The following MBNL2 variants were observed in gnomAD, a reference collection of about 807,000 sequenced individuals.
The protein encoded by MBNL2 is muscleblind-like protein 2.
MBNL2 carries 17 observed loss-of-function variants against 41.9 expected under a neutral mutation model. That is an observed-to-expected ratio of 0.41 (90% CI 0.28 to 0.61). The LOEUF (loss-of-function observed/expected upper bound fraction) is 0.61. MBNL2 is among the 20% of genes least tolerant of loss of function. MBNL2 has a pLI of 0.35. For missense variants in MBNL2, 336 were observed against 505.6 expected (o/e 0.66, Z 3.22); for synonymous variants, 195 against 182.9 (o/e 1.07, Z -0.53).
intron 2 of MBNL2, among the ~76,000 whole-genome samples, chr13:97,290,287 C>G (rs2055559558): frequency 6.6e-6 from 1 of 152,020 alleles, no homozygotes; most frequent in African/African-American, 2.4e-5. Context: ...GCAGTGGGCA[C>G]ACCGCTGGAA....
chr13:97,221,722 C>A (rs3809361), upstream of MBNL2, among the ~76,000 whole-genome samples: 126 of 152,178 alleles, frequency 8.3e-4, 2 homozygotes, highest in East Asian at 0.021. Flanking sequence ...AAAACTTAGA[C>A]GAAAGATAAA....
intron 2 of MBNL2, among the ~76,000 whole-genome samples, chr13:97,329,735 C>T (rs149906629): frequency 5.1e-3 from 1 of 198 alleles, no homozygotes; most frequent in Non-Finnish European, 9.8e-3. Flanking sequence ...CAACATACAA[C>T]ACATACACCA....
At chr13:97,378,318 G>T (rs1594290399) in intron 8 of MBNL2, among the ~76,000 whole-genome samples, 1 of 152,090 alleles carries the variant, frequency 6.6e-6, no homozygotes, top group South Asian at 2.1e-4. Context: ...CCAGAGATGA[G>T]TAATACTAAG....
chr13:97,173,462 C>T, the MBNL2 span, among the ~76,000 whole-genome samples: 1 of 152,330 alleles, frequency 6.6e-6, no homozygotes, highest in South Asian at 2.1e-4. Context: ...GAGGTCCAGC[C>T]TAGTGTCTTG....
chr13:97,237,517 A>G (rs1301369075), intron 1 of MBNL2, among the ~76,000 whole-genome samples: 2 of 152,232 alleles, frequency 1.3e-5, no homozygotes, highest in African/African-American at 4.8e-5. Flanking sequence ...TGAAGGTATT[A>G]TGCCACAAGG....
upstream of MBNL2, among the ~76,000 whole-genome samples, chr13:97,217,192 T>A (rs996459585): frequency 6.6e-6 from 1 of 151,450 alleles, no homozygotes; most frequent in African/African-American, 2.4e-5. Context: ...ATGGCTTCTC[T>A]ACCAATTTTT....
intron 1 of MBNL2, among the ~76,000 whole-genome samples, chr13:97,237,372 G>C (rs2152802188): frequency 6.6e-6 from 1 of 152,328 alleles, no homozygotes; most frequent in South Asian, 2.1e-4. Context: ...CTATAGAAAA[G>C]TTTGCAGGAA....
In MBNL2 at chr13:97,357,485, T is replaced by C. The variant is rs765958975; in HGVS notation, c.862T>C (p.Phe288Leu). The C allele has an allele frequency of 8.7e-6, 14 of 1,613,724 alleles. No individual in the cohort carries two copies. The highest frequency in any genetic ancestry group is 1.7e-5 in the Admixed American group (1 of 59,994). Residue 288 changes from phenylalanine to leucine, a missense_variant, in exon 7 of 9, where the codon TTT becomes CTT. Transcript: ENST00000679496. ...TTATCGAATTCTTCATTTCTAGGCC[T>C]TTCCCCCTGGTGCTCTTCATCCTTT... Reference protein sequence around the residue: ...RPLEATVDLAFPPGALHPLPK... With the variant: ...RPLEATVDLALPPGALHPLPK...
intron 2 of MBNL2, among the ~76,000 whole-genome samples, chr13:97,308,636 G>A (rs934117675): frequency 2.6e-5 from 4 of 152,074 alleles, no homozygotes; most frequent in African/African-American, 9.7e-5. Flanking sequence ...ATCATGTGTG[G>A]CCTGCCCACT....
chr13:97,378,055 A>T (rs2065116745), intron 8 of MBNL2, among the ~76,000 whole-genome samples: 2 of 146,918 alleles, frequency 1.4e-5, no homozygotes, highest in South Asian at 4.3e-4. Context: ...CAGCACACTG[A>T]TCTAAGAATT....
At chr13:97,342,035 C>T (rs1391909899) in intron 3 of MBNL2, among the ~76,000 whole-genome samples, 3 of 152,092 alleles carry the variant, frequency 2.0e-5, no homozygotes, top group Non-Finnish European at 4.4e-5. Flanking sequence ...TAATTAACAA[C>T]CAACCAAACA....
At chr13:97,275,158 G>A (rs1166801679) in intron 1 of MBNL2, among the ~76,000 whole-genome samples, 3 of 152,162 alleles carry the variant, frequency 2.0e-5, no homozygotes, top group Non-Finnish European at 4.4e-5. Flanking sequence ...CCATCTCCAA[G>A]TCCACATCTC....
intron 1 of MBNL2, among the ~76,000 whole-genome samples, chr13:97,225,880 A>T (rs1382668298): frequency 6.6e-6 from 1 of 152,226 alleles, no homozygotes; most frequent in East Asian, 1.9e-4. Context: ...ATGAGCATGG[A>T]TGTCCACTGC....
At chr13:97,155,642 C>A in the MBNL2 span, among the ~76,000 whole-genome samples, 9 of 150,006 alleles carry the variant, frequency 6.0e-5, no homozygotes, top group African/African-American at 2.0e-4. Context: ...TGAGAATATG[C>A]GGTGTTTGGT....
At chr13:97,222,216 C>A, upstream of MBNL2, 1 of 392,192 alleles carries the variant, frequency 2.5e-6, no homozygotes, top group Non-Finnish European at 4.5e-6. Context: ...CTGTGTCAGT[C>A]ATCCTATTAG....
At chr13:97,197,237 T>G in the MBNL2 span, among the ~76,000 whole-genome samples, 1 of 152,204 alleles carries the variant, frequency 6.6e-6, no homozygotes, top group Non-Finnish European at 1.5e-5. Context: ...TATTAAAAAA[T>G]TATTGTCCTT....
chr13:97,232,091 AACG>A (rs1222382262), intron 1 of MBNL2, among the ~76,000 whole-genome samples: 2 of 116,680 alleles, frequency 1.7e-5, no homozygotes, highest in South Asian at 2.7e-4. Context: ...TTGTAATAGA[AACG>A]AAGACATTAT....
At chr13:97,350,204 G>A (rs1279787562) in intron 5 of MBNL2, among the ~76,000 whole-genome samples, 1 of 152,192 alleles carries the variant, frequency 6.6e-6, no homozygotes, top group East Asian at 1.9e-4. Flanking sequence ...TCTATTAAAT[G>A]TGCAAGAACA....
intron 1 of MBNL2, among the ~76,000 whole-genome samples, chr13:97,244,159 G>A (rs569518685): frequency 1.1e-4 from 17 of 152,302 alleles, no homozygotes; most frequent in African/African-American, 4.1e-4. Flanking sequence ...TCATAGACAT[G>A]CTTGTAAAAT....
Sources: allele counts gnomAD v4.1 joint callset (sites outside exome capture counted in the v4.1 genomes callset), GRCh38; gene constraint gnomAD v4.1.1; transcripts MANE v1.5; gene names NCBI Gene and HGNC (gene_info 2026-07-23, HGNC 2026-07-21).